MSRA: variants seen among roughly 807,000 people sequenced by gnomAD.
MSRA encodes the protein mitochondrial peptide methionine sulfoxide reductase.
In MSRA, 54 loss-of-function variants were observed where a neutral mutation model predicts 31.3. The observed-to-expected ratio is 1.73, with a 90% confidence interval of 1.39 to 2.17. The LOEUF (loss-of-function observed/expected upper bound fraction) is 2.17, where lower values mean the gene tolerates loss of function less well. Among genes scored for constraint, MSRA ranks in the 30% most tolerant of loss-of-function variants. MSRA has a pLI of 0.00. For synonymous variants in MSRA, 169 were observed against 116.5 expected (o/e 1.45, Z -2.90); for missense variants, 507 against 300.9 (o/e 1.69, Z -5.07).
chr8:10,130,292 G>C (rs891289107), intron 1 of MSRA, among the ~76,000 whole-genome samples: 5 of 152,172 alleles, frequency 3.3e-5, no homozygotes, highest in African/African-American at 9.7e-5. Context: ...TATCATACAG[G>C]ATAACAACTT....
At chr8:10,180,720 T>C (rs1021620873) in intron 1 of MSRA, among the ~76,000 whole-genome samples, 1 of 152,158 alleles carries the variant, frequency 6.6e-6, no homozygotes, top group Admixed American at 6.5e-5. Context: ...GTGTCATAAT[T>C]GTATATATTT....
chr8:10,230,060 A>G (rs1049022643), intron 2 of MSRA, among the ~76,000 whole-genome samples: 5 of 152,238 alleles, frequency 3.3e-5, no homozygotes, highest in Non-Finnish European at 5.9e-5. Flanking sequence ...AGTTTAATTC[A>G]GCAGATTTTT....
chr8:10,098,305 A>G (rs189461889), intron 1 of MSRA, among the ~76,000 whole-genome samples: 11 of 152,292 alleles, frequency 7.2e-5, no homozygotes. Context: ...TGAGGCAGAA[A>G]TGCGTTAATA....
chr8:10,277,594 T>C (rs1799391914), intron 3 of MSRA, among the ~76,000 whole-genome samples: 1 of 152,194 alleles, frequency 6.6e-6, no homozygotes, highest in Non-Finnish European at 1.5e-5. Flanking sequence ...GTAGTATAAG[T>C]GGCAAAATGT....
At chr8:10,295,542 A>G (rs1024381762) in intron 3 of MSRA, among the ~76,000 whole-genome samples, 1 of 152,048 alleles carries the variant, frequency 6.6e-6, no homozygotes, top group Non-Finnish European at 1.5e-5. Flanking sequence ...CTTGGTTCTG[A>G]CGGCTCTGCT....
chr8:10,251,936 C>T (rs1245574030), intron 3 of MSRA, among the ~76,000 whole-genome samples: 1 of 151,734 alleles, frequency 6.6e-6, no homozygotes, highest in African/African-American at 2.4e-5. Context: ...TCTTCCAATA[C>T]AACAGCTTTC....
chr8:10,100,654 A>C (rs936722752), intron 1 of MSRA, among the ~76,000 whole-genome samples: 1 of 152,030 alleles, frequency 6.6e-6, no homozygotes, highest in Admixed American at 6.6e-5. Context: ...TTATTCTGAA[A>C]CTCATCAGAT....
At chr8:10,314,096 C>A (rs1354549998) in intron 4 of MSRA, among the ~76,000 whole-genome samples, 1 of 151,936 alleles carries the variant, frequency 6.6e-6, no homozygotes, top group Non-Finnish European at 1.5e-5. Context: ...GGAAGCATTT[C>A]CTAAACAAGA....
intron 1 of MSRA, among the ~76,000 whole-genome samples, chr8:10,065,130 C>G (rs1022554954): frequency 6.6e-6 from 1 of 152,136 alleles, no homozygotes; most frequent in Non-Finnish European, 1.5e-5. Context: ...CTGCTGGTCC[C>G]TGGGGTGTCT....
chr8:10,239,941 T>C (rs1812267311), intron 2 of MSRA, among the ~76,000 whole-genome samples: 2 of 152,222 alleles, frequency 1.3e-5, no homozygotes, highest in Admixed American at 1.3e-4. Flanking sequence ...TGGCTGTGCC[T>C]TGGGGCTATT....
At chr8:10,126,025 C>G (rs533912477) in intron 1 of MSRA, among the ~76,000 whole-genome samples, 2 of 152,336 alleles carry the variant, frequency 1.3e-5, no homozygotes, top group Admixed American at 6.5e-5. Flanking sequence ...GGGCAAGGCT[C>G]TGTACTTCTC....
intron 1 of MSRA, among the ~76,000 whole-genome samples, chr8:10,188,791 G>A (rs1807273667): frequency 6.6e-6 from 1 of 152,174 alleles, no homozygotes; most frequent in African/African-American, 2.4e-5. Flanking sequence ...CTTACAGTAA[G>A]TCCTGAAATC....
intron 5 of MSRA, among the ~76,000 whole-genome samples, chr8:10,363,260 G>A (rs1489914291): frequency 1.3e-5 from 2 of 152,172 alleles, no homozygotes; most frequent in African/African-American, 4.8e-5. Flanking sequence ...CAAGTTCTTT[G>A]GCAACTGGCC....
intron 1 of MSRA, among the ~76,000 whole-genome samples, chr8:10,198,994 C>T (rs1353713379): frequency 6.6e-6 from 1 of 152,190 alleles, no homozygotes; most frequent in South Asian, 2.1e-4. Flanking sequence ...TTGCACGAAT[C>T]AAAGCTAGTC....
intron 1 of MSRA, among the ~76,000 whole-genome samples, chr8:10,181,711 G>A (rs903261893): frequency 3.3e-5 from 5 of 152,126 alleles, no homozygotes; most frequent in African/African-American, 1.2e-4. Flanking sequence ...GAACTTGCTG[G>A]GTCATGATGG....
At chr8:10,214,803 A>G (rs1585187579) in intron 2 of MSRA, among the ~76,000 whole-genome samples, 1 of 152,348 alleles carries the variant, frequency 6.6e-6, no homozygotes. Flanking sequence ...GGCAATGGTC[A>G]TTGGAGACAT....
intron 1 of MSRA, among the ~76,000 whole-genome samples, chr8:10,098,912 G>A (rs540797739): frequency 3.9e-5 from 6 of 152,366 alleles, no homozygotes; most frequent in African/African-American, 1.4e-4. Flanking sequence ...GTAAACAACA[G>A]TGGCCTGTTT....
Position 10,183,808 on chromosome 8 carries a change from G to GTGCTGC in MSRA, c.143-24007_143-24002dup, listed in dbSNP as rs752435520. Among the ~76,000 whole-genome samples the GTGCTGC allele has an allele frequency of 6.4e-3, 638 of 100,196 alleles. 7 individuals carry two copies. Among genetic ancestry groups the GTGCTGC allele is most frequent in the African/African-American group, 0.02 (601 of 29,388 alleles). The allele number at this position is 100,196 out of a possible 152,430, so 65.7% of individuals were successfully genotyped here. A position where few individuals can be genotyped will look rare whatever the true frequency, so the allele number is the denominator to read the frequency against. ...GGTGGTGGTGGTGGTGGTGGTGGTG[G>GTGCTGC]TGCTGCTGCTGCTGCTGCTGCTGGT... On this transcript the variant is annotated intron_variant, in intron 1 of 5. Transcript: ENST00000317173.
At chr8:10,236,835 C>G (rs1811987237) in intron 2 of MSRA, among the ~76,000 whole-genome samples, 1 of 152,150 alleles carries the variant, frequency 6.6e-6, no homozygotes, top group African/African-American at 2.4e-5. Flanking sequence ...CGTGAGCCAC[C>G]ATGTCTGGCC....
Sources: gnomAD v4.1 joint callset for allele counts (sites outside exome capture counted in the v4.1 genomes callset) on GRCh38, gnomAD v4.1.1 for gene constraint, MANE v1.5 for transcripts, NCBI Gene and HGNC (gene_info 2026-07-23, HGNC 2026-07-21) for gene names.